The following CHRNB2 variants were observed in gnomAD, a reference collection of about 807,000 sequenced individuals.
CHRNB2 encodes the protein cholinergic receptor nicotinic beta 2 subunit.
CHRNB2 carries 33 observed loss-of-function variants against 42.7 expected under a neutral mutation model. The ratio of observed to expected loss-of-function variants is 0.77; its 90% CI spans 0.59 to 1.03. The LOEUF (loss-of-function observed/expected upper bound fraction) is 1.03. CHRNB2 is among the 50% of genes least tolerant of loss of function. The pLI is 0.00. For missense variants in CHRNB2, 603 were observed against 700.9 expected (o/e 0.86, Z 1.58); for synonymous variants, 325 against 292.9 (o/e 1.11, Z -1.12).
In CHRNB2 at chr1:154,571,530, T is replaced by C; in HGVS notation, c.707T>C (p.Phe236Ser). 6.2e-7 allele frequency: 1 copy of C among 1,614,100 alleles called. No individual in the cohort carries two copies. Among genetic ancestry groups the C allele is most frequent in the Non-Finnish European group, 8.5e-7 (1 of 1,180,016 alleles). Reference sequence around the variant, plus strand: ...TTCATCATTCGCCGCAAGCCGCTCTTCTACACCATCAACCTCATCATCCCC... The same window carrying C: ...TTCATCATTCGCCGCAAGCCGCTCTCCTACACCATCAACCTCATCATCCCC... The part of the protein sequence containing the change: ...YDFIIRRKPL[F>S]YTINLIIPCV... Residue 236 changes from phenylalanine (F) to serine (S), a missense_variant, in exon 5 of 6, where the codon TTC (phenylalanine) becomes TCC (serine). Transcript: ENST00000368476. The surrounding 1 kb of genome is among the most constrained non-coding windows in gnomAD (Gnocchi z 6.8).
At position 154,571,617 on chromosome 1, in the gene CHRNB2, A is replaced by T. The variant is rs1696166155; in HGVS notation, c.794A>T (p.Lys265Met). 2 of 1,614,122 alleles carry T rather than the reference A, an allele frequency of 1.2e-6. No homozygotes were observed. Among genetic ancestry groups the T allele is most frequent in the Admixed American group, 1.7e-5 (1 of 60,008 alleles). ...TACCTGCCATCCGACTGTGGCGAGAAGATGACGTTGTGCATCTCAGTGCTG... is the reference window on the plus strand; with the variant it reads ...TACCTGCCATCCGACTGTGGCGAGATGATGACGTTGTGCATCTCAGTGCTG... ...VFYLPSDCGEKMTLCISVLLA... is the reference protein window; with the variant it reads ...VFYLPSDCGEMMTLCISVLLA... Residue 265 changes from lysine to methionine, a missense_variant, in exon 5 of 6, where the codon AAG (lysine) becomes ATG (methionine). Physicochemically the swap from Lys to Met is moderately conservative, Grantham distance 95. Transcript: ENST00000368476. This position sits in a 1 kb window ranked among gnomAD's most constrained non-coding sequence, Gnocchi z 6.8.
chr1:154,572,198 T>TG (rs1696187623), intron 5 of CHRNB2, 37 bp downstream of exon 5: 1 of 1,534,694 alleles, frequency 6.5e-7, no homozygotes, highest in South Asian at 1.2e-5. Context: ...GCGTGAGATA[T>TG]GGGGTCTGCC....
Position 154,575,747 on chromosome 1 carries a change from G to T in CHRNB2, c.1339-15G>T, listed in dbSNP as rs756629260. The T allele has an allele frequency of 6.2e-7, 1 of 1,613,846 alleles. No individual in the cohort carries two copies. Among genetic ancestry groups the T allele is most frequent in the Admixed American group, 1.7e-5 (1 of 59,996 alleles). ...GCATCATGTGACCTGGGCCTCCTCC[G>T]TCTCCTCCATCCAGGTGAGTGAGGA... is the stretch of plus-strand genomic sequence containing the variant. On this transcript the variant is annotated splice_polypyrimidine_tract_variant and intron_variant, in intron 5 of 5. Coordinates refer to ENST00000368476, the MANE Select transcript of CHRNB2 (RefSeq NM_000748.3).
In CHRNB2 at chr1:154,571,292, A is replaced by T; in HGVS notation, c.469A>T (p.Ile157Phe). ...TGCCATCTACAAGAGCGCATGCAAG[A>T]TTGAAGTAAAGCACTTCCCATTTGA... ...PPAIYKSACK[I>F]EVKHFPFDQQ... Residue 157 changes from isoleucine to phenylalanine, a missense_variant, in exon 5 of 6, where the codon ATT becomes TTT. Coordinates refer to ENST00000368476, the MANE Select transcript of CHRNB2 (RefSeq NM_000748.3). The surrounding 1 kb of genome is among the most constrained non-coding windows in gnomAD (Gnocchi z 6.8). 7 of 1,614,206 alleles carry T rather than the reference A, an allele frequency of 4.3e-6. No homozygotes were observed. The highest frequency in any genetic ancestry group is 5.9e-6 in the Non-Finnish European group (7 of 1,180,038).
At position 154,572,302 on chromosome 1, in the gene CHRNB2, G is replaced by A. The variant is rs547569557; in HGVS notation, c.1338+141G>A. ...AAAATGTGAGTCAGGCCTGTGTTGC[G>A]GGCCTGGGTGCTGGCTAGGGCCCTT... On this transcript the variant is annotated intron_variant, in intron 5 of 5. Transcript: ENST00000368476. The A allele has an allele frequency of 1.8e-4, 266 of 1,472,486 alleles. No individual in the cohort carries two copies. The African/African-American group carries it at 3.1e-3, about 17-fold the overall frequency. 91.2% of individuals were successfully genotyped at this position (1,472,486 alleles called of 1,614,324 possible).
intron 3 of CHRNB2, 121 bp from the exon 4 acceptor site, chr1:154,570,136 TG>T: frequency 1.3e-6 from 1 of 755,190 alleles, no homozygotes; most frequent in Non-Finnish European, 2.4e-6. Flanking sequence ...GAAGTCACTG[TG>T]GGGAAGAGGC....
chr1:154,571,164 G>A lies in CHRNB2; in HGVS notation c.366-25G>A, dbSNP rs779446847. The stretch of plus-strand genomic sequence containing the variant: ...AGGAGGAAGGAACGCTTAGGCCAGG[G>A]CTGACTGTGCCCATCCTTTGGCAGT... On this transcript the variant is annotated intron_variant, in intron 4 of 5. Transcript: ENST00000368476. The surrounding 1 kb of genome is among the most constrained non-coding windows in gnomAD (Gnocchi z 6.8). 1.2e-6 allele frequency: 2 copies of A among 1,614,006 alleles called. No individual in the cohort carries two copies. The highest frequency in any genetic ancestry group is 2.2e-5 in the East Asian group (1 of 44,870).
At position 154,570,279 on chromosome 1, in the gene CHRNB2, A is replaced by T. The variant is rs752355994; in HGVS notation, c.277A>T (p.Thr93Ser). The change falls in exon 4 of 6, where the codon ACC (threonine) becomes TCC (serine). Residue 93 changes from threonine to serine, a missense_variant. Around this residue, in one of 2 missense-constraint regions of CHRNB2, gnomAD observed 333 missense variants for 452.6 expected, o/e 0.74. Transcript: ENST00000368476. Reference protein sequence around the residue: ...LTQEWEDYRLTWKPEEFDNMK... With the variant: ...LTQEWEDYRLSWKPEEFDNMK... ...CCAGGAGTGGGAAGATTATCGCCTC[A>T]CCTGGAAGCCTGAAGAGTTTGACAA... 20 of 1,611,612 alleles carry T rather than the reference A, an allele frequency of 1.2e-5. No homozygotes were observed. Among genetic ancestry groups the T allele is most frequent in the Non-Finnish European group, 1.6e-5 (19 of 1,178,838 alleles).
rs200935724 is a variant in CHRNB2 at position 154,578,269 on chromosome 1, G to C, written c.*2337G>C. 2 of 152,284 alleles carry C rather than the reference G, an allele frequency of 1.3e-5. No individual in the cohort carries two copies. Among genetic ancestry groups the C allele is most frequent in the African/African-American group, 4.8e-5 (2 of 41,464 alleles). The allele number at this position is 152,284 out of a possible 1,614,324, so 9.4% of individuals were successfully genotyped here. On this transcript the variant is annotated 3_prime_UTR_variant, in exon 6 of 6. Coordinates refer to ENST00000368476, the MANE Select transcript of CHRNB2 (RefSeq NM_000748.3). ...GGCCCCAGCAGCTGCTGCTGTGGCTGTACTTGCTTTTAATATTTCCCATAC... is the reference window on the plus strand; with the variant it reads ...GGCCCCAGCAGCTGCTGCTGTGGCTCTACTTGCTTTTAATATTTCCCATAC...
intron 5 of CHRNB2, among the ~76,000 whole-genome samples, chr1:154,574,023 T>A (rs1032591033): frequency 6.6e-6 from 1 of 152,214 alleles, no homozygotes; most frequent in African/African-American, 2.4e-5. Context: ...GTGCTGGGAT[T>A]ACAGGCATGA....
intron 5 of CHRNB2, 89 bp from the exon 6 acceptor site, chr1:154,575,673 T>G: frequency 1.6e-6 from 2 of 1,226,140 alleles, no homozygotes; most frequent in African/African-American, 1.5e-5. Context: ...AGGAGTGGGG[T>G]GTGTGTCTGT....
chr1:154,570,044 A>G (rs1696133801), intron 3 of CHRNB2, among the ~76,000 whole-genome samples: 1 of 152,180 alleles, frequency 6.6e-6, no homozygotes, highest in Non-Finnish European at 1.5e-5. Flanking sequence ...TCATTTGTAA[A>G]TGTAGATTCT....
At chr1:154,568,278 C>G (rs956769607) in intron 1 of CHRNB2, among the ~76,000 whole-genome samples, 170 bp downstream of exon 1, 5 of 152,318 alleles carry the variant, frequency 3.3e-5, no homozygotes, top group African/African-American at 1.2e-4. Flanking sequence ...CAGAGAGCAC[C>G]TGGGAGGCTG....
chr1:154,568,702 T>G (rs541334030), intron 1 of CHRNB2, among the ~76,000 whole-genome samples: 2 of 151,764 alleles, frequency 1.3e-5, no homozygotes, highest in Non-Finnish European at 2.9e-5. Context: ...AGGGGTGTGT[T>G]CGTGCAGAGT....
At chr1:154,569,316 G>C in intron 1 of CHRNB2, 146 bp from the exon 2 acceptor site, 1 of 950,964 alleles carries the variant, frequency 1.1e-6, no homozygotes, top group Non-Finnish European at 1.6e-6. Context: ...GGGCCTCCCT[G>C]GGGTTAATCT....
Position 154,570,305 on chromosome 1 carries a change from C to G in CHRNB2, c.303C>G (p.Asn101Lys). The change falls in exon 4 of 6, where the codon AAC becomes AAG. Residue 101 changes from asparagine (N) to lysine (K), a missense_variant. Asn to Lys is a moderately conservative substitution (Grantham distance 94, BLOSUM62 0). Transcript: ENST00000368476. ...CCTGGAAGCCTGAAGAGTTTGACAACATGAAGAAAGTTCGGCTCCCTTCCA... is the reference window on the plus strand; with the variant it reads ...CCTGGAAGCCTGAAGAGTTTGACAAGATGAAGAAAGTTCGGCTCCCTTCCA... ...RLTWKPEEFD[N>K]MKKVRLPSKH... 6.2e-7 allele frequency: 1 copy of G among 1,612,930 alleles called. No homozygotes were observed. Among genetic ancestry groups the G allele is most frequent in the Non-Finnish European group, 8.5e-7 (1 of 1,179,508 alleles).
At chr1:154,569,985 C>A in intron 3 of CHRNB2, 149 bp downstream of exon 3, 1 of 880,174 alleles carries the variant, frequency 1.1e-6, no homozygotes, top group Non-Finnish European at 1.8e-6. Flanking sequence ...TCTTGGCACT[C>A]ACCAGCCTTG....
chr1:154,574,701 C>T (rs1045759688), intron 5 of CHRNB2, among the ~76,000 whole-genome samples: 2 of 152,156 alleles, frequency 1.3e-5, no homozygotes, highest in Non-Finnish European at 2.9e-5. Flanking sequence ...TAAATTTGTG[C>T]TTATTTTTGC....
rs752635342 is a variant in CHRNB2, at chr1:154,571,835, G to T, written c.1012G>T (p.Val338Phe). ...THTMAPWVKV[V>F]FLEKLPALLF... ...CACCATGGCGCCCTGGGTGAAGGTC[G>T]TCTTCCTGGAGAAGCTGCCCGCGCT... Residue 338 changes from valine to phenylalanine, a missense_variant, in exon 5 of 6, where the codon GTC becomes TTC. Physicochemically the swap from Val to Phe is conservative, Grantham distance 50 (BLOSUM62 -1). Coordinates refer to ENST00000368476, the MANE Select transcript of CHRNB2 (RefSeq NM_000748.3). The surrounding 1 kb of genome is among the most constrained non-coding windows in gnomAD (Gnocchi z 6.8). 2.5e-6 allele frequency: 4 copies of T among 1,612,920 alleles called. No homozygotes were observed. The highest frequency in any genetic ancestry group is 3.4e-6 in the Non-Finnish European group (4 of 1,179,902).
Sources: allele counts gnomAD v4.1 joint callset (sites outside exome capture counted in the v4.1 genomes callset), GRCh38; gene constraint gnomAD v4.1.1; regional missense constraint gnomAD v4.1.1; non-coding constraint Gnocchi (gnomAD v3.1); transcripts MANE v1.5; gene names NCBI Gene and HGNC (gene_info 2026-07-23, HGNC 2026-07-21).